Variants in AGAP1 observed in about 807,000 individuals in gnomAD.
AGAP1 encodes the protein arf-GAP with GTPase, ANK repeat and PH domain-containing protein 1.
In AGAP1, 29 loss-of-function variants were observed where a neutral mutation model predicts 105.3. The observed-to-expected ratio is 0.28, with a 90% CI of 0.21 to 0.38. The LOEUF is 0.38. Among genes scored for constraint, AGAP1 ranks in the 10% least tolerant of loss-of-function variants. The pLI is 1.00. For missense variants in AGAP1, 998 were observed against 1,165.1 expected (o/e 0.86, Z 2.09); for synonymous variants, 509 against 485.9 (o/e 1.05, Z -0.63).
In AGAP1 at chr2:235,756,976, G is replaced by A. The variant is rs535228219; in HGVS notation, c.673+6488G>A. Among the ~76,000 whole-genome samples, 3 of 151,846 alleles carry A rather than the reference G, an allele frequency of 2.0e-5. No individual in the cohort carries two copies. In the East Asian group the frequency reaches 5.8e-4, roughly 30 times the overall value. ...TATATAGAATTTAATATTCTTGCAT[G>A]CATTTTCTGAACCTTCTAGTCACTT... On this transcript the variant is annotated intron_variant, in intron 6 of 17. Transcript: ENST00000304032.
rs540243210 is a variant in AGAP1, at chr2:235,720,201, T to A, written c.310+2557T>A. ...CTTGCCATCCTGAAATTCCCTCTCA[T>A]GCTCAGGGAGCCTGTACCTGGAAAG... On this transcript the variant is annotated intron_variant, in intron 3 of 17. Coordinates refer to ENST00000304032, the MANE Select transcript of AGAP1 (RefSeq NM_001037131.3). This position sits in a 1 kb window ranked among gnomAD's most constrained non-coding sequence, Gnocchi z 5.0. 1.3e-5 allele frequency among the ~76,000 whole-genome samples: 2 copies of A among 152,364 alleles called. No individual in the cohort carries two copies. The highest frequency in any genetic ancestry group is 4.1e-4 in the South Asian group (2 of 4,830).
intron 16 of AGAP1, among the ~76,000 whole-genome samples, chr2:236,102,290 G>A (rs1021204914): frequency 3.1e-4 from 46 of 150,010 alleles, no homozygotes; most frequent in South Asian, 8.8e-4. Flanking sequence ...GGTGGCGGGT[G>A]CCTGTGGTCC....
At chr2:235,568,193 C>G (rs1298870836) in intron 1 of AGAP1, among the ~76,000 whole-genome samples, 23 of 152,104 alleles carry the variant, frequency 1.5e-4, no homozygotes, top group Non-Finnish European at 3.4e-4. Flanking sequence ...GTTGTCAGAT[C>G]GAGGCCCACA....
intron 9 of AGAP1, among the ~76,000 whole-genome samples, chr2:235,848,170 A>G (rs566667352): frequency 5.1e-4 from 78 of 151,996 alleles, no homozygotes; most frequent in Admixed American, 8.5e-4. Flanking sequence ...AGCCGTCCCC[A>G]CTCCAGGTTA....
chr2:235,805,179 T>C (rs1957776856), intron 8 of AGAP1, among the ~76,000 whole-genome samples: 1 of 152,198 alleles, frequency 6.6e-6, no homozygotes, highest in Non-Finnish European at 1.5e-5. Context: ...TCCGGCAAAT[T>C]GTTAAAGTTG....
At position 235,842,738 on chromosome 2, in the gene AGAP1, G is replaced by GTT. The variant is rs200776016; in HGVS notation, c.1050+35413_1050+35414dup. Among the ~76,000 whole-genome samples, 1 of 151,736 alleles carries GTT rather than the reference G, an allele frequency of 6.6e-6. No homozygotes were observed. Among genetic ancestry groups the GTT allele is most frequent in the African/African-American group, 2.4e-5 (1 of 41,278 alleles). ...AGGTTTGTTTTTTTTGTTTTGTTTT[G>GTT]TTTTTTTGAGATGGAGTCTCACTCT... On this transcript the variant is annotated intron_variant, in intron 9 of 17. Transcript: ENST00000304032. The surrounding 1 kb of genome is among the most constrained non-coding windows in gnomAD (Gnocchi z 5.3).
chr2:235,862,026 A>G (rs914351668), intron 9 of AGAP1, among the ~76,000 whole-genome samples: 1 of 152,102 alleles, frequency 6.6e-6, no homozygotes, highest in African/African-American at 2.4e-5. Context: ...GATCAAAACC[A>G]GGAGTGCCTC....
chr2:235,711,907 TC>T (rs762505160), intron 2 of AGAP1, among the ~76,000 whole-genome samples: 44 of 152,186 alleles, frequency 2.9e-4, no homozygotes, highest in Middle Eastern at 3.2e-3. Flanking sequence ...ATGGCAAGCC[TC>T]CAATAGGCCC....
chr2:235,627,626 G>A (rs554547359), intron 1 of AGAP1, among the ~76,000 whole-genome samples: 2 of 152,242 alleles, frequency 1.3e-5, no homozygotes, highest in East Asian at 1.9e-4. Flanking sequence ...GTGGTGTGAG[G>A]TGAAGCAGCA....
At chr2:235,995,030 C>T (rs1383092612) in intron 13 of AGAP1, among the ~76,000 whole-genome samples, 4 of 113,422 alleles carry the variant, frequency 3.5e-5, no homozygotes, top group Non-Finnish European at 5.2e-5. Flanking sequence ...TCGCGCCTTG[C>T]ACTCCAACCA....
At chr2:235,942,097 T>C (rs1224642127) in intron 12 of AGAP1, among the ~76,000 whole-genome samples, 2 of 152,142 alleles carry the variant, frequency 1.3e-5, no homozygotes, top group African/African-American at 4.8e-5. Flanking sequence ...CCATGACTGC[T>C]CTCATCATTT....
chr2:235,674,069 G>T (rs1273872439), intron 1 of AGAP1, among the ~76,000 whole-genome samples: 1 of 152,216 alleles, frequency 6.6e-6, no homozygotes, highest in Non-Finnish European at 1.5e-5. Context: ...AGGATGAAAG[G>T]ATTGGAGCAC....
rs1944952665 is a variant in AGAP1 at position 235,582,127 on chromosome 2, T to C, written c.163+87278T>C. Among the ~76,000 whole-genome samples the C allele has an allele frequency of 6.6e-6, 1 of 152,180 alleles. No homozygotes were observed. Among genetic ancestry groups the C allele is most frequent in the Non-Finnish European group, 1.5e-5 (1 of 68,020 alleles). On this transcript the variant is annotated intron_variant, in intron 1 of 17. Coordinates refer to ENST00000304032, the MANE Select transcript of AGAP1 (RefSeq NM_001037131.3). This position sits in a 1 kb window ranked among gnomAD's most constrained non-coding sequence, Gnocchi z 4.7. ...AGTGATGCTATGGGGCTGTCTGCTCTATACGAGGAGCAGAGACCCCTGGAT... is the reference window on the plus strand; with the variant it reads ...AGTGATGCTATGGGGCTGTCTGCTCCATACGAGGAGCAGAGACCCCTGGAT...
intron 6 of AGAP1, among the ~76,000 whole-genome samples, chr2:235,758,581 G>A (rs1954134658): frequency 6.6e-6 from 1 of 152,144 alleles, no homozygotes; most frequent in African/African-American, 2.4e-5. Flanking sequence ...GGTGGTAGAT[G>A]TGTATTGGGA....
chr2:235,941,701 T>G (rs1252993389), intron 12 of AGAP1, among the ~76,000 whole-genome samples: 1 of 152,150 alleles, frequency 6.6e-6, no homozygotes, highest in Non-Finnish European at 1.5e-5. Context: ...TGCAGTGGTG[T>G]CCCAGGGTAC....
intron 16 of AGAP1, among the ~76,000 whole-genome samples, chr2:236,118,123 A>C (rs1292307324): frequency 6.6e-6 from 1 of 152,210 alleles, no homozygotes; most frequent in Non-Finnish European, 1.5e-5. Flanking sequence ...CACTAGGTGC[A>C]ATGTAAACAC....
At chr2:235,576,250 T>C (rs190073722) in intron 1 of AGAP1, among the ~76,000 whole-genome samples, 17 of 152,316 alleles carry the variant, frequency 1.1e-4, no homozygotes, top group African/African-American at 4.1e-4. Context: ...CTATGAGTCT[T>C]TGTCCAGTTT....
rs150405533 is a variant in AGAP1, at chr2:235,582,420, G to T, written c.163+87571G>T. On this transcript the variant is annotated intron_variant, in intron 1 of 17. Coordinates refer to ENST00000304032, the MANE Select transcript of AGAP1 (RefSeq NM_001037131.3). The surrounding 1 kb of genome is among the most constrained non-coding windows in gnomAD (Gnocchi z 4.7). The stretch of plus-strand genomic sequence containing the variant: ...AGTGTAGAAGCGACTTGCCCTAAAT[G>T]CCTCATTGAGAAGCATGGGTGTCCC... Among the ~76,000 whole-genome samples the T allele has an allele frequency of 1.2e-4, 19 of 152,306 alleles. No individual in the cohort carries two copies. In the East Asian group the frequency reaches 3.5e-3, roughly 28 times the overall value.
intron 6 of AGAP1, chr2:235,774,433 A>G (rs1411820714): frequency 2.1e-6 from 1 of 467,184 alleles, no homozygotes; most frequent in Admixed American, 2.4e-5. Flanking sequence ...CACGGCAGGC[A>G]GTCACTTTTC....
Sources: allele counts gnomAD v4.1 joint callset (sites outside exome capture counted in the v4.1 genomes callset), GRCh38; gene constraint gnomAD v4.1.1; non-coding constraint Gnocchi (gnomAD v3.1); transcripts MANE v1.5; gene names NCBI Gene and HGNC (gene_info 2026-07-23, HGNC 2026-07-21).